The following SPATA6L variants were observed in gnomAD, a reference collection of about 807,000 sequenced individuals.
The protein encoded by SPATA6L is spermatogenesis associated 6 like.
A neutral mutation model predicts 49.2 loss-of-function variants in SPATA6L; 68 were observed. That is an observed-to-expected ratio of 1.38 (90% CI 1.14 to 1.69). The LOEUF (loss-of-function observed/expected upper bound fraction) is 1.69. SPATA6L is among the 40% of genes most tolerant of loss of function. SPATA6L has a pLI of 0.00. For missense variants in SPATA6L, 668 were observed against 464.3 expected (o/e 1.44, Z -4.03); for synonymous variants, 198 against 165.7 (o/e 1.19, Z -1.50).
At chr9:4,634,258 C>G (rs1832301811) in intron 4 of SPATA6L, among the ~76,000 whole-genome samples, 1 of 152,066 alleles carries the variant, frequency 6.6e-6, no homozygotes, top group Admixed American at 6.6e-5. Context: ...GAGCAATATC[C>G]CAATAACTCA....
At chr9:4,610,645 T>C (rs142419716) in intron 9 of SPATA6L, among the ~76,000 whole-genome samples, 6,097 of 152,090 alleles carry the variant, frequency 0.04, 374 homozygotes, top group African/African-American at 0.13. Flanking sequence ...CAAAAATCAA[T>C]TCCAGATGGA....
chr9:4,637,892 G>T (rs371136810), intron 3 of SPATA6L, among the ~76,000 whole-genome samples: 1 of 152,142 alleles, frequency 6.6e-6, no homozygotes, highest in African/African-American at 2.4e-5. Flanking sequence ...TTAAAAAAAG[G>T]AGAGAGACTA....
At chr9:4,607,056 G>C (rs199890792) in intron 9 of SPATA6L, among the ~76,000 whole-genome samples, 2,738 of 151,122 alleles carry the variant, frequency 0.018, 44 homozygotes, top group South Asian at 0.052. Context: ...GATGGAAGAT[G>C]AAATGAATGA....
At chr9:4,603,049 T>G (rs888282832) in intron 11 of SPATA6L, among the ~76,000 whole-genome samples, 1 of 152,242 alleles carries the variant, frequency 6.6e-6, no homozygotes, top group African/African-American at 2.4e-5. Context: ...TCCCACAATG[T>G]GGCTAACTAC....
intron 2 of SPATA6L, among the ~76,000 whole-genome samples, chr9:4,658,400 T>C (rs997103639): frequency 6.6e-6 from 1 of 152,188 alleles, no homozygotes; most frequent in African/African-American, 2.4e-5. Context: ...CTGAAAGTAG[T>C]TGCAGCTAGA....
At chr9:4,640,495 T>C (rs1332818546) in intron 3 of SPATA6L, among the ~76,000 whole-genome samples, 1 of 151,796 alleles carries the variant, frequency 6.6e-6, no homozygotes, top group Non-Finnish European at 1.5e-5. Context: ...ATTCAGCCAA[T>C]AGAGAAATTG....
At chr9:4,621,446 T>C (rs1587130112) in intron 7 of SPATA6L, among the ~76,000 whole-genome samples, 1 of 152,314 alleles carries the variant, frequency 6.6e-6, no homozygotes, top group Non-Finnish European at 1.5e-5. Flanking sequence ...GCTACAATGA[T>C]GTCATGACAT....
chr9:4,618,823 C>A lies in SPATA6L; in HGVS notation c.807+41G>T, dbSNP rs769481541. On this transcript the variant is annotated intron_variant, in intron 8 of 11. Coordinates refer to ENST00000682582, the MANE Select transcript of SPATA6L (RefSeq NM_001353486.2). Reference sequence around the variant, plus strand: ...AAGCACAATAATTGACATAAGATATCTGGAAGTAAATCATTTTACAAATTC... The same window carrying A: ...AAGCACAATAATTGACATAAGATATATGGAAGTAAATCATTTTACAAATTC... 17 of 1,567,312 alleles carry A rather than the reference C, an allele frequency of 1.1e-5. No homozygotes were observed. In the African/African-American group the frequency reaches 2.2e-4, roughly 20 times the overall value.
intron 3 of SPATA6L, among the ~76,000 whole-genome samples, chr9:4,636,123 G>C: frequency 7.4e-6 from 1 of 134,278 alleles, no homozygotes; most frequent in African/African-American, 3.1e-5. Context: ...TTTTTTTTTT[G>C]CATAATTTGG....
At chr9:4,618,146 G>A in intron 8 of SPATA6L, 36 bp from the exon 9 acceptor site, 1 of 1,551,556 alleles carries the variant, frequency 6.4e-7, no homozygotes, top group Non-Finnish European at 8.8e-7. Flanking sequence ...TTGTAATTTT[G>A]CTTCTGTTTG....
At chr9:4,636,622 C>T (rs1326779732) in intron 3 of SPATA6L, among the ~76,000 whole-genome samples, 1 of 152,146 alleles carries the variant, frequency 6.6e-6, no homozygotes, top group Non-Finnish European at 1.5e-5. Context: ...TGCCACTTTA[C>T]TTATGAGAAG....
chr9:4,621,740 G>A (rs751230105), intron 7 of SPATA6L, among the ~76,000 whole-genome samples: 9 of 152,122 alleles, frequency 5.9e-5, no homozygotes, highest in Admixed American at 2.6e-4. Context: ...TGCCTGCCTC[G>A]GCCTCCCGAA....
rs1395212179 is a variant in SPATA6L at position 4,656,502 on chromosome 9, AAGGG to A, written c.178-417_178-414del. On this transcript the variant is annotated intron_variant, in intron 2 of 11. Coordinates refer to ENST00000682582, the MANE Select transcript of SPATA6L (RefSeq NM_001353486.2). ...GAAGGAAGGAAGGAAGGAAGGAAGG[AAGGG>A]AGGAGCCGTAAATTATATTCTTCCA... Among the ~76,000 whole-genome samples the A allele has an allele frequency of 2.0e-3, 253 of 128,852 alleles. 6 individuals are homozygous for A. The highest frequency in any genetic ancestry group is 8.5e-3 in the African/African-American group (230 of 27,000). 84.5% of individuals were successfully genotyped at this position (128,852 alleles called of 152,430 possible).
chr9:4,610,134 A>G (rs974398747), intron 9 of SPATA6L, among the ~76,000 whole-genome samples: 4 of 152,220 alleles, frequency 2.6e-5, no homozygotes, highest in East Asian at 1.9e-4. Context: ...CCACTGCTCA[A>G]TGAAATAAAA....
chr9:4,611,175 T>C lies in SPATA6L; in HGVS notation c.996-5735A>G, dbSNP rs879390930. On this transcript the variant is annotated intron_variant, in intron 9 of 11. Transcript: ENST00000682582. ...AGGTGCTAGAGAGGATGTGGAGAAA[T>C]AGGAACACTTTTACACTGTTGGTGG... 1.9e-3 allele frequency among the ~76,000 whole-genome samples: 279 copies of C among 146,652 alleles called. 1 individual carries two copies. The highest frequency in any genetic ancestry group is 1.9e-3 in the Non-Finnish European group (128 of 67,774).
chr9:4,655,206 T>G (rs948637193), intron 3 of SPATA6L, among the ~76,000 whole-genome samples: 1 of 152,222 alleles, frequency 6.6e-6, no homozygotes, highest in African/African-American at 2.4e-5. Context: ...AGAATACTAT[T>G]TGGCCATACA....
intron 9 of SPATA6L, among the ~76,000 whole-genome samples, chr9:4,614,858 C>G (rs1827595765): frequency 6.6e-6 from 1 of 152,218 alleles, no homozygotes; most frequent in South Asian, 2.1e-4. Context: ...GCTGCCTCAT[C>G]AGAGATGGCC....
In SPATA6L at chr9:4,662,680, C is replaced by T. The variant is rs1391274953; in HGVS notation, c.40-644G>A. The T allele has an allele frequency of 6.2e-7, 1 of 1,600,588 alleles. No homozygotes were observed. Among genetic ancestry groups the T allele is most frequent in the Non-Finnish European group, 8.5e-7 (1 of 1,179,874 alleles). The stretch of plus-strand genomic sequence containing the variant: ...TTGAACCCGTCCTTCCTGGGCATCG[C>T]CCTGCGCTCCCTGCTGGCCATCGAC... On this transcript the variant is annotated intron_variant, in intron 1 of 11. Coordinates refer to ENST00000682582, the MANE Select transcript of SPATA6L (RefSeq NM_001353486.2). This position sits in a 1 kb window ranked among gnomAD's most constrained non-coding sequence, Gnocchi z 4.9.
At chr9:4,656,822 A>T (rs1433442166) in intron 2 of SPATA6L, among the ~76,000 whole-genome samples, 1 of 152,238 alleles carries the variant, frequency 6.6e-6, no homozygotes, top group Admixed American at 6.5e-5. Flanking sequence ...GATACTCATT[A>T]AATGTTAACT....
Sources: gnomAD v4.1 joint callset for allele counts (sites outside exome capture counted in the v4.1 genomes callset) on GRCh38, gnomAD v4.1.1 for gene constraint, Gnocchi (gnomAD v3.1) non-coding constraint, MANE v1.5 for transcripts, NCBI Gene and HGNC (gene_info 2026-07-23, HGNC 2026-07-21) for gene names.